Variants in PCCA observed in about 807,000 individuals in gnomAD.
PCCA encodes the protein propionyl-CoA carboxylase alpha chain, mitochondrial.
PCCA carries 74 observed loss-of-function variants against 101.3 expected under a neutral mutation model. That is an observed-to-expected ratio of 0.73 (90% CI 0.61 to 0.89). The LOEUF (loss-of-function observed/expected upper bound fraction) is 0.89. Among genes scored for constraint, PCCA ranks in the 40% least tolerant of loss-of-function variants. The probability of loss-of-function intolerance (pLI) is 0.00; values close to 1 mark genes in which losing one functional copy is unlikely to be tolerated. For missense variants in PCCA, 891 were observed against 907.0 expected (o/e 0.98, Z 0.23); for synonymous variants, 294 against 313.6 (o/e 0.94, Z 0.66).
At chr13:100,380,489 T>C (rs2152827829) in intron 19 of PCCA, among the ~76,000 whole-genome samples, 1 of 152,348 alleles carries the variant, frequency 6.6e-6, no homozygotes, top group East Asian at 1.9e-4. Context: ...GATTGTCATA[T>C]AAATCAACAG....
chr13:100,273,964 A>AAACAT (rs1219808264), intron 12 of PCCA, among the ~76,000 whole-genome samples: 1 of 152,196 alleles, frequency 6.6e-6, no homozygotes, highest in African/African-American at 2.4e-5. Context: ...AACTATACAG[A>AAACAT]AACATACATA....
chr13:100,243,814 T>G (rs564673224), intron 8 of PCCA, among the ~76,000 whole-genome samples: 2 of 152,360 alleles, frequency 1.3e-5, no homozygotes, highest in East Asian at 3.9e-4. Flanking sequence ...GGTAGTCCTT[T>G]CTTTTCTGCC....
intron 7 of PCCA, among the ~76,000 whole-genome samples, chr13:100,221,773 G>A (rs521273): frequency 0.17 from 21,155 of 126,462 alleles, 1,678 homozygotes; most frequent in Middle Eastern, 0.25. Flanking sequence ...TTTTTGAGAC[G>A]GAGTCTCACC....
chr13:100,101,952 A>G (rs1051099165), intron 1 of PCCA, among the ~76,000 whole-genome samples: 2 of 152,196 alleles, frequency 1.3e-5, no homozygotes, highest in South Asian at 4.1e-4. Flanking sequence ...AAATGTTGCT[A>G]TAAGAACATT....
chr13:100,332,779 A>C (rs1382292576), intron 17 of PCCA, among the ~76,000 whole-genome samples: 1 of 152,242 alleles, frequency 6.6e-6, no homozygotes, highest in Non-Finnish European at 1.5e-5. Flanking sequence ...AGGAATTAAC[A>C]GCTTGGACAC....
intron 22 of PCCA, among the ~76,000 whole-genome samples, chr13:100,525,026 T>TAGATAGATAGACAGAC (rs1178941372): frequency 2.8e-5 from 4 of 142,644 alleles, no homozygotes; most frequent in African/African-American, 1.0e-4. Flanking sequence ...GATAGATAGA[T>TAGATAGATAGACAGAC]AGACAGACAG....
At chr13:100,511,650 A>T (rs837298) in intron 21 of PCCA, among the ~76,000 whole-genome samples, 2,746 of 152,294 alleles carry the variant, frequency 0.018, 84 homozygotes, top group African/African-American at 0.062. Context: ...TGACTTATAA[A>T]TGGAAACTGG....
chr13:100,436,588 C>CTTGG (rs2079955316), intron 20 of PCCA, among the ~76,000 whole-genome samples: 1 of 152,208 alleles, frequency 6.6e-6, no homozygotes, highest in African/African-American at 2.4e-5. Flanking sequence ...GTGAAACAGC[C>CTTGG]TTGGGTTCCC....
intron 21 of PCCA, among the ~76,000 whole-genome samples, chr13:100,500,249 T>C (rs749250987): frequency 3.7e-4 from 57 of 152,304 alleles, no homozygotes; most frequent in Non-Finnish European, 7.2e-4. Context: ...AGCTCTTCAG[T>C]GTGTCATTTC....
chr13:100,140,996 C>G (rs2051799110), intron 4 of PCCA, among the ~76,000 whole-genome samples: 1 of 152,168 alleles, frequency 6.6e-6, no homozygotes, highest in Non-Finnish European at 1.5e-5. Flanking sequence ...GAAAGTGTTA[C>G]AGCTAATTGC....
At position 100,256,068 on chromosome 13, in the gene PCCA, C is replaced by T. The variant is rs187573353; in HGVS notation, c.638-1527C>T. 5.3e-5 allele frequency among the ~76,000 whole-genome samples: 8 copies of T among 152,112 alleles called. 1 individual carries two copies. Among genetic ancestry groups the T allele is most frequent in the East Asian group, 1.9e-4 (1 of 5,184 alleles). ...GGAGTCTTGCGCTGGAGTGCAGTGG[C>T]GTAATCTTGGCTCACTGCAATCTCC... is the stretch of plus-strand genomic sequence containing the variant. On this transcript the variant is annotated intron_variant, in intron 8 of 23. Coordinates refer to ENST00000376285, the MANE Select transcript of PCCA (RefSeq NM_000282.4).
rs1555454057 is a variant in PCCA, at chr13:100,422,070, TTTTC to T, written c.1747-3515_1747-3512del. Among the ~76,000 whole-genome samples, 357 of 110,698 alleles carry T rather than the reference TTTTC, an allele frequency of 3.2e-3. 4 individuals carry two copies. Among genetic ancestry groups the T allele is most frequent in the Middle Eastern group, 4.8e-3 (1 of 210 alleles). The allele number at this position is 110,698 out of a possible 152,430, so 72.6% of individuals were successfully genotyped here. ...TCTTTTCCTTTTCTCTTCTCTTTTC[TTTTC>T]TTTCTTTCTTTCTTTCTTTCTTTCT... is the stretch of plus-strand genomic sequence containing the variant. On this transcript the variant is annotated intron_variant, in intron 19 of 23. Coordinates refer to ENST00000376285, the MANE Select transcript of PCCA (RefSeq NM_000282.4).
At chr13:100,090,655 G>A (rs2046196251) in intron 1 of PCCA, among the ~76,000 whole-genome samples, 1 of 152,178 alleles carries the variant, frequency 6.6e-6, no homozygotes, top group South Asian at 2.1e-4. Context: ...GGTATTAGGG[G>A]AGATGCCCGG....
chr13:100,419,027 T>G (rs2078570084), intron 19 of PCCA, among the ~76,000 whole-genome samples: 1 of 151,560 alleles, frequency 6.6e-6, no homozygotes, highest in South Asian at 2.1e-4. Flanking sequence ...CTTTTTTTTT[T>G]TAAATATGAT....
intron 19 of PCCA, among the ~76,000 whole-genome samples, chr13:100,391,871 C>A (rs1021773149): frequency 5.9e-5 from 9 of 152,106 alleles, no homozygotes; most frequent in Non-Finnish European, 1.0e-4. Context: ...TATTTGATAT[C>A]TAATCAAATT....
Position 100,286,404 on chromosome 13 carries a change from T to G in PCCA, c.1065+13058T>G, listed in dbSNP as rs530382179. 2.6e-5 allele frequency among the ~76,000 whole-genome samples: 4 copies of G among 152,186 alleles called. No homozygotes were observed. In the South Asian group the frequency reaches 6.2e-4, roughly 24 times the overall value. ...ACCGCAGAGGCTAAACTAAATCCAA[T>G]TGGCTAATTTAAAGAGAATGACGGG... On this transcript the variant is annotated intron_variant, in intron 12 of 23. Transcript: ENST00000376285.
At chr13:100,294,789 A>G (rs2065397537) in intron 12 of PCCA, among the ~76,000 whole-genome samples, 1 of 152,232 alleles carries the variant, frequency 6.6e-6, no homozygotes, top group East Asian at 1.9e-4. Flanking sequence ...TCAAAAGCAC[A>G]AAACAGGCAA....
intron 19 of PCCA, among the ~76,000 whole-genome samples, chr13:100,397,118 G>GAT (rs1410578486): frequency 2.0e-5 from 3 of 152,070 alleles, no homozygotes; most frequent in Non-Finnish European, 4.4e-5. Context: ...AGACGTCATG[G>GAT]ATTTACCACA....
chr13:100,330,936 A>G (rs976644754), intron 17 of PCCA, among the ~76,000 whole-genome samples: 1 of 152,172 alleles, frequency 6.6e-6, no homozygotes, highest in African/African-American at 2.4e-5. Flanking sequence ...ACATGTAGAT[A>G]GATCATTAGC....
Sources: allele counts gnomAD v4.1 joint callset (sites outside exome capture counted in the v4.1 genomes callset), GRCh38; gene constraint gnomAD v4.1.1; transcripts MANE v1.5; gene names NCBI Gene and HGNC (gene_info 2026-07-23, HGNC 2026-07-21).